The following NMNAT2 variants were observed in gnomAD, a reference collection of about 807,000 sequenced individuals.
NMNAT2 encodes the protein nicotinamide nucleotide adenylyltransferase 2, also known as nicotinamide/nicotinic acid mononucleotide adenylyltransferase 2.
Under a neutral mutation model 41.6 loss-of-function variants are expected in NMNAT2, and 11 were observed. That is an observed-to-expected ratio of 0.26 (90% confidence interval 0.17 to 0.44). NMNAT2 has a LOEUF of 0.44. NMNAT2 is among the 20% of genes least tolerant of loss of function. The pLI, the probability that NMNAT2 is intolerant of heterozygous loss-of-function variation, is 1.00. For synonymous variants in NMNAT2, 148 were observed against 151.2 expected (o/e 0.98, Z 0.16); for missense variants, 288 against 407.7 (o/e 0.71, Z 2.53).
At chr1:183,326,414 G>T (rs1431918057) in intron 1 of NMNAT2, among the ~76,000 whole-genome samples, 2 of 146,448 alleles carry the variant, frequency 1.4e-5, no homozygotes, top group Non-Finnish European at 3.0e-5. Flanking sequence ...CAGGGGAAGA[G>T]AACTATTTAG....
intron 1 of NMNAT2, among the ~76,000 whole-genome samples, chr1:183,294,763 C>T (rs1479536537): frequency 6.6e-6 from 1 of 152,112 alleles, no homozygotes; most frequent in East Asian, 1.9e-4. Context: ...GCACTCCAGC[C>T]TGGGTGACAG....
chr1:183,257,721 A>C (rs1558107031), intron 10 of NMNAT2, among the ~76,000 whole-genome samples: 1 of 151,434 alleles, frequency 6.6e-6, no homozygotes, highest in Non-Finnish European at 1.5e-5. Flanking sequence ...TAATGTCTAC[A>C]CTTTCATTTC....
chr1:183,330,109 A>C (rs1662551179), intron 1 of NMNAT2, among the ~76,000 whole-genome samples: 1 of 152,166 alleles, frequency 6.6e-6, no homozygotes, highest in Non-Finnish European at 1.5e-5. Context: ...TCCCAGCTCT[A>C]CCACTCCCCA....
At chr1:183,326,670 G>A (rs1662471089) in intron 1 of NMNAT2, among the ~76,000 whole-genome samples, 1 of 152,088 alleles carries the variant, frequency 6.6e-6, no homozygotes, top group Admixed American at 6.6e-5. Flanking sequence ...AGTCATTGGG[G>A]GATTTAAGAA....
intron 1 of NMNAT2, among the ~76,000 whole-genome samples, chr1:183,300,665 G>A (rs909107412): frequency 1.3e-5 from 2 of 152,178 alleles, no homozygotes; most frequent in African/African-American, 4.8e-5. Context: ...GCAACTTCCT[G>A]CAAATCTATA....
chr1:183,376,083 C>A (rs988497408), intron 1 of NMNAT2, among the ~76,000 whole-genome samples: 1 of 152,134 alleles, frequency 6.6e-6, no homozygotes, highest in Admixed American at 6.5e-5. Flanking sequence ...TGGGGAACAC[C>A]TAAGGAGTGC....
At chr1:183,353,865 G>T (rs1286926773) in intron 1 of NMNAT2, among the ~76,000 whole-genome samples, 1 of 151,934 alleles carries the variant, frequency 6.6e-6, no homozygotes, top group Admixed American at 6.6e-5. Context: ...ACTTGCTTGA[G>T]TGAGAGGCCC....
chr1:183,327,062 T>TATGTATG (rs775483083), intron 1 of NMNAT2, among the ~76,000 whole-genome samples: 1 of 118,122 alleles, frequency 8.5e-6, no homozygotes, highest in African/African-American at 3.3e-5. Flanking sequence ...ATGTATGTAT[T>TATGTATG]TATTTTTGAG....
chr1:183,268,630 A>G (rs1324753490), intron 8 of NMNAT2, among the ~76,000 whole-genome samples: 1 of 152,226 alleles, frequency 6.6e-6, no homozygotes, highest in African/African-American at 2.4e-5. Flanking sequence ...TTTATTGAGC[A>G]TGTATATGGT....
intron 1 of NMNAT2, among the ~76,000 whole-genome samples, chr1:183,335,567 T>C (rs1415902761): frequency 6.6e-6 from 1 of 152,248 alleles, no homozygotes; most frequent in Non-Finnish European, 1.5e-5. Flanking sequence ...CTTGGCTATG[T>C]TTCCTTGGGA....
In NMNAT2 at chr1:183,418,281, C is replaced by T. The variant is rs1360023385; in HGVS notation, c.-14G>A. ...GGTCTCGGTCATGGTGCAGATGGGT[C>T]CTTCGCGGTGGTCTAGGGGTTGCCT... is the stretch of plus-strand genomic sequence containing the variant. On this transcript the variant is annotated 5_prime_UTR_variant, in exon 1 of 11. Coordinates refer to ENST00000287713, the MANE Select transcript of NMNAT2 (RefSeq NM_015039.4). The T allele has an allele frequency of 6.2e-7, 1 of 1,613,058 alleles. No homozygotes were observed. The highest frequency in any genetic ancestry group is 8.5e-7 in the Non-Finnish European group (1 of 1,179,396).
intron 1 of NMNAT2, among the ~76,000 whole-genome samples, chr1:183,369,688 G>A (rs1031703383): frequency 4.0e-5 from 6 of 151,810 alleles, no homozygotes; most frequent in African/African-American, 7.3e-5. Flanking sequence ...TTGAGCAGCC[G>A]TCGCTGTCAT....
chr1:183,289,198 G>A (rs908534846), intron 4 of NMNAT2, among the ~76,000 whole-genome samples: 2 of 152,220 alleles, frequency 1.3e-5, no homozygotes, highest in Non-Finnish European at 2.9e-5. Flanking sequence ...GGAGGGCAGT[G>A]CCAGGTGGAC....
chr1:183,410,847 A>G (rs1649097536), intron 1 of NMNAT2, among the ~76,000 whole-genome samples: 2 of 151,262 alleles, frequency 1.3e-5, no homozygotes, highest in African/African-American at 4.9e-5. Context: ...CCTCCCAAGT[A>G]GCTGGGACTA....
At chr1:183,293,921 A>C in intron 1 of NMNAT2, 128 bp from the exon 2 acceptor site, 1 of 685,206 alleles carries the variant, frequency 1.5e-6, no homozygotes, top group Non-Finnish European at 2.5e-6. Flanking sequence ...ATTTAAATAG[A>C]AAATGTCAAC....
intron 1 of NMNAT2, among the ~76,000 whole-genome samples, chr1:183,350,182 G>C (rs907958778): frequency 2.6e-5 from 4 of 152,200 alleles, no homozygotes; most frequent in African/African-American, 7.2e-5. Context: ...GGTAAGTGCT[G>C]TGAATAAATG....
intron 1 of NMNAT2, among the ~76,000 whole-genome samples, chr1:183,388,738 T>C (rs1648333609): frequency 1.3e-5 from 2 of 152,250 alleles, no homozygotes; most frequent in African/African-American, 4.8e-5. Context: ...GTTTTCTTAT[T>C]GTCAGTCTCC....
chr1:183,371,623 T>C (rs980099978), intron 1 of NMNAT2, among the ~76,000 whole-genome samples: 1 of 152,152 alleles, frequency 6.6e-6, no homozygotes, highest in Non-Finnish European at 1.5e-5. Flanking sequence ...CTAAAACTTC[T>C]CTTAAAAAAC....
intron 1 of NMNAT2, among the ~76,000 whole-genome samples, chr1:183,308,970 G>A (rs1434450852): frequency 6.6e-6 from 1 of 152,146 alleles, no homozygotes; most frequent in Non-Finnish European, 1.5e-5. Flanking sequence ...GGTAGAAAAG[G>A]CCTGGAAAGC....
Sources: allele counts gnomAD v4.1 joint callset (sites outside exome capture counted in the v4.1 genomes callset), GRCh38; gene constraint gnomAD v4.1.1; transcripts MANE v1.5; gene names NCBI Gene and HGNC (gene_info 2026-07-23, HGNC 2026-07-21).